PRKN: variants seen among roughly 807,000 people sequenced by gnomAD.
PRKN encodes the protein E3 ubiquitin-protein ligase parkin.
Under a neutral mutation model 59.5 loss-of-function variants are expected in PRKN, and 56 were observed. That is an observed-to-expected ratio of 0.94 (90% CI 0.76 to 1.18). The LOEUF (loss-of-function observed/expected upper bound fraction) is 1.18. Among genes scored for constraint, PRKN ranks in the 50% most tolerant of loss-of-function variants. The pLI is 0.00. For missense variants in PRKN, 657 were observed against 596.4 expected (o/e 1.10, Z -1.06); for synonymous variants, 250 against 222.1 (o/e 1.13, Z -1.12).
At chr6:161,455,861 C>CA (rs60382394) in intron 9 of PRKN, among the ~76,000 whole-genome samples, 1,002 of 72,484 alleles carry the variant, frequency 0.014, 5 homozygotes, top group Middle Eastern at 0.028. Flanking sequence ...GACTCCGTCT[C>CA]AAAAAAAAAA....
chr6:162,200,240 G>A (rs1048491929), intron 4 of PRKN, among the ~76,000 whole-genome samples: 2 of 152,094 alleles, frequency 1.3e-5, no homozygotes, highest in African/African-American at 4.8e-5. Context: ...CGGCCTGCAT[G>A]CCCTCTATTG....
In PRKN at chr6:162,700,269, A is replaced by C. The variant is rs536713739; in HGVS notation, c.7+27393T>G. Among the ~76,000 whole-genome samples the C allele has an allele frequency of 3.9e-5, 6 of 152,320 alleles. No individual in the cohort carries two copies. In the South Asian group the frequency reaches 1.0e-3, roughly 26 times the overall value. The stretch of plus-strand genomic sequence containing the variant: ...GTCAGTTCATTTTCAGCAAACTTTC[A>C]GAGGGTAGAAAAGAAGCTTTGTCCC... On this transcript the variant is annotated intron_variant, in intron 1 of 11. Transcript: ENST00000366898.
intron 1 of PRKN, among the ~76,000 whole-genome samples, chr6:162,458,956 G>A (rs1488414601): frequency 6.6e-6 from 1 of 151,918 alleles, no homozygotes; most frequent in Non-Finnish European, 1.5e-5. Context: ...GAGTAGCTGG[G>A]ACTACAGGCA....
rs186065374 is a variant in PRKN, at chr6:162,221,649, C to T, written c.413-20397G>A. Among the ~76,000 whole-genome samples, 210 of 152,200 alleles carry T rather than the reference C, an allele frequency of 1.4e-3. 2 individuals carry two copies. Among genetic ancestry groups the T allele is most frequent in the Non-Finnish European group, 2.9e-4 (20 of 68,006 alleles). On this transcript the variant is annotated intron_variant, in intron 3 of 11. Coordinates refer to ENST00000366898, the MANE Select transcript of PRKN (RefSeq NM_004562.3). ...AAATTTGACATAGACTATGCTTCTC[C>T]GGCCTTATTTCATTACTCAAAATAA...
In PRKN at chr6:162,005,639, C is replaced by T. The variant is rs559047021; in HGVS notation, c.619-32222G>A. On this transcript the variant is annotated intron_variant, in intron 5 of 11. Coordinates refer to ENST00000366898, the MANE Select transcript of PRKN (RefSeq NM_004562.3). ...CGAATCTATTGCCCTGCCGAGAATG[C>T]CTCGGGCTAGAGAGAAAAAAGCCTT... Among the ~76,000 whole-genome samples the T allele has an allele frequency of 3.3e-5, 5 of 152,162 alleles. 1 individual carries two copies. In the South Asian group the frequency reaches 1.0e-3, roughly 32 times the overall value.
intron 1 of PRKN, among the ~76,000 whole-genome samples, chr6:162,657,068 G>A (rs1394630203): frequency 6.6e-6 from 1 of 152,210 alleles, no homozygotes; most frequent in East Asian, 1.9e-4. Context: ...GGCTAAATAT[G>A]TGGTGGGCTT....
At chr6:162,331,244 GC>G (rs1783558373) in intron 2 of PRKN, among the ~76,000 whole-genome samples, 1 of 151,408 alleles carries the variant, frequency 6.6e-6, no homozygotes, top group Non-Finnish European at 1.5e-5. Context: ...TAATTCAATC[GC>G]TCCCAACCAG....
chr6:161,776,397 T>C (rs1465294738), intron 7 of PRKN, among the ~76,000 whole-genome samples: 1 of 152,228 alleles, frequency 6.6e-6, no homozygotes, highest in Non-Finnish European at 1.5e-5. Flanking sequence ...ATAGGCTGTT[T>C]TGGCTATGTT....
intron 2 of PRKN, among the ~76,000 whole-genome samples, chr6:162,381,284 A>G (rs1554310221): frequency 6.6e-6 from 1 of 152,168 alleles, no homozygotes; most frequent in Non-Finnish European, 1.5e-5. Context: ...CTGTTTTTCA[A>G]TTATATTTCT....
At chr6:162,668,003 AG>A (rs1272687680) in intron 1 of PRKN, among the ~76,000 whole-genome samples, 2 of 152,202 alleles carry the variant, frequency 1.3e-5, no homozygotes, top group East Asian at 3.8e-4. Flanking sequence ...TAGACAAGAG[AG>A]GAAAAAAATC....
Position 161,413,801 on chromosome 6 carries a change from A to G in PRKN, c.1084-26924T>C, listed in dbSNP as rs1459649887. Among the ~76,000 whole-genome samples the G allele has an allele frequency of 6.6e-6, 1 of 152,172 alleles. No homozygotes were observed. The highest frequency in any genetic ancestry group is 2.4e-5 in the African/African-American group (1 of 41,436). ...CCCTAGCTCTGAGGAAGCTCATTCA[A>G]AAATGCAATTTTTAATTAAAAGGGA... On this transcript the variant is annotated intron_variant, in intron 9 of 11. Coordinates refer to ENST00000366898, the MANE Select transcript of PRKN (RefSeq NM_004562.3). This position sits in a 1 kb window ranked among gnomAD's most constrained non-coding sequence, Gnocchi z 4.4.
At chr6:162,214,330 G>C (rs1045198549) in intron 3 of PRKN, among the ~76,000 whole-genome samples, 7 of 152,110 alleles carry the variant, frequency 4.6e-5, no homozygotes, top group Non-Finnish European at 1.0e-4. Flanking sequence ...GGTTTCCCTA[G>C]AGAGTCAAGA....
At chr6:162,016,073 A>G (rs1782922088) in intron 5 of PRKN, among the ~76,000 whole-genome samples, 1 of 152,204 alleles carries the variant, frequency 6.6e-6, no homozygotes, top group Non-Finnish European at 1.5e-5. Flanking sequence ...CTGATATTTT[A>G]TGAAAGTCAG....
intron 1 of PRKN, among the ~76,000 whole-genome samples, chr6:162,451,878 A>G (rs1790644773): frequency 6.6e-6 from 1 of 152,214 alleles, no homozygotes; most frequent in Non-Finnish European, 1.5e-5. Context: ...TACATATTCA[A>G]GATGTTCAAC....
chr6:161,746,742 G>A (rs191680608), intron 7 of PRKN, among the ~76,000 whole-genome samples: 2,021 of 143,444 alleles, frequency 0.014, 52 homozygotes, highest in African/African-American at 0.05. Flanking sequence ...CTAGATTCTA[G>A]ATATGCACAT....
At chr6:162,568,819 G>C in intron 1 of PRKN, 1 of 730,012 alleles carries the variant, frequency 1.4e-6, no homozygotes. Context: ...AACATGCAGG[G>C]GCTGGTGGAG....
intron 5 of PRKN, among the ~76,000 whole-genome samples, chr6:162,011,235 A>ACC (rs1562458427): frequency 2.4e-3 from 6 of 2,484 alleles, no homozygotes; most frequent in East Asian, 5.6e-3. Flanking sequence ...TATAATATAT[A>ACC]ATTTATAATA....
At position 162,478,759 on chromosome 6, in the gene PRKN, G is replaced by A. The variant is rs980036560; in HGVS notation, c.8-35286C>T. On this transcript the variant is annotated intron_variant, in intron 1 of 11. Transcript: ENST00000366898. ...AGCCTGCTGCTCTTGGCTACAAACC[G>A]GCACAACATGTTTACTGAATGCCTT... Among the ~76,000 whole-genome samples, 8 of 152,132 alleles carry A rather than the reference G, an allele frequency of 5.3e-5. No homozygotes were observed. The South Asian group carries it at 6.2e-4, about 12-fold the overall frequency.
At chr6:162,557,387 G>A (rs1779652037) in intron 1 of PRKN, among the ~76,000 whole-genome samples, 1 of 152,208 alleles carries the variant, frequency 6.6e-6, no homozygotes, top group Admixed American at 6.5e-5. Context: ...AGGGCACTTT[G>A]CTGTGGCCTC....
Sources: allele counts gnomAD v4.1 joint callset (sites outside exome capture counted in the v4.1 genomes callset), GRCh38; gene constraint gnomAD v4.1.1; non-coding constraint Gnocchi (gnomAD v3.1); transcripts MANE v1.5; gene names NCBI Gene and HGNC (gene_info 2026-07-23, HGNC 2026-07-21).